Variants in FHOD3 observed in about 807,000 individuals in gnomAD.
FHOD3 encodes the protein FH1/FH2 domain-containing protein 3.
In FHOD3, 90 loss-of-function variants were observed where a neutral mutation model predicts 173.0. The observed-to-expected ratio is 0.52, with a 90% CI of 0.44 to 0.62. The LOEUF (loss-of-function observed/expected upper bound fraction) is 0.62. Among genes scored for constraint, FHOD3 ranks in the 20% least tolerant of loss-of-function variants. The pLI, the probability that FHOD3 is intolerant of heterozygous loss-of-function variation, is 0.00. For missense variants in FHOD3, 1,945 were observed against 2,034.7 expected (o/e 0.96, Z 0.85); for synonymous variants, 828 against 823.0 (o/e 1.01, Z -0.10).
chr18:36,587,543 G>A (rs11664159), intron 6 of FHOD3, among the ~76,000 whole-genome samples: 1 of 152,186 alleles, frequency 6.6e-6, no homozygotes, highest in African/African-American at 2.4e-5. Flanking sequence ...TGTAATCCTA[G>A]CACTTTGGGA....
intron 3 of FHOD3, among the ~76,000 whole-genome samples, chr18:36,477,902 C>G (rs1417243999): frequency 6.6e-6 from 1 of 152,156 alleles, no homozygotes; most frequent in Non-Finnish European, 1.5e-5. Context: ...AGACGAAGAA[C>G]CACGGCATGC....
At chr18:36,555,460 G>C (rs1394581431) in intron 5 of FHOD3, among the ~76,000 whole-genome samples, 4 of 151,626 alleles carry the variant, frequency 2.6e-5, no homozygotes, top group Non-Finnish European at 5.9e-5. Context: ...TTGTGGGTCA[G>C]AATCTGGTCT....
At position 36,587,458 on chromosome 18, in the gene FHOD3, T is replaced by C. The variant is rs559955355; in HGVS notation, c.607-7329T>C. On this transcript the variant is annotated intron_variant, in intron 6 of 28. Coordinates refer to ENST00000590592, the MANE Select transcript of FHOD3 (RefSeq NM_001281740.3). ...TTGGTCATGTAGGCGATTTCCGGGG[T>C]AACACAACCTTCATCTAAGCCCCAG... Among the ~76,000 whole-genome samples, 212 of 152,236 alleles carry C rather than the reference T, an allele frequency of 1.4e-3. 1 individual carries two copies. The highest frequency in any genetic ancestry group is 4.7e-3 in the African/African-American group (195 of 41,544).
chr18:36,605,866 T>C (rs973086020), intron 8 of FHOD3, among the ~76,000 whole-genome samples: 1 of 152,176 alleles, frequency 6.6e-6, no homozygotes, highest in South Asian at 2.1e-4. Context: ...AGTATTGATA[T>C]CAACAAAATA....
intron 5 of FHOD3, among the ~76,000 whole-genome samples, chr18:36,553,323 G>C (rs949370048): frequency 2.6e-5 from 4 of 152,160 alleles, no homozygotes; most frequent in African/African-American, 9.7e-5. Flanking sequence ...TCAGGATGAT[G>C]CTGGCCTCAT....
chr18:36,686,745 AG>A (rs1203623636), intron 15 of FHOD3, among the ~76,000 whole-genome samples: 1 of 152,186 alleles, frequency 6.6e-6, no homozygotes, highest in African/African-American at 2.4e-5. Flanking sequence ...GCTGTTATGA[AG>A]CTACCAGAGC....
rs114270130 is a variant in FHOD3 at position 36,657,299 on chromosome 18, T to C, written c.1722-776T>C. On this transcript the variant is annotated intron_variant, in intron 13 of 28. Coordinates refer to ENST00000590592, the MANE Select transcript of FHOD3 (RefSeq NM_001281740.3). ...AAGTAATCCTGAGTGTCTGAGCCCA[T>C]GCAAGGGCATCAAATAATGATTTGT... 4.7e-3 allele frequency among the ~76,000 whole-genome samples: 712 copies of C among 152,364 alleles called. 8 individuals carry two copies. The highest frequency in any genetic ancestry group is 0.016 in the African/African-American group (669 of 41,584).
chr18:36,709,453 T>C, intron 18 of FHOD3, 62 bp downstream of exon 18: 6 of 1,535,020 alleles, frequency 3.9e-6, no homozygotes, highest in Non-Finnish European at 4.4e-6. Flanking sequence ...CAGGGGCTGG[T>C]TCTCTAAGAG....
At chr18:36,609,853 C>T (rs149398111) in intron 8 of FHOD3, among the ~76,000 whole-genome samples, 1 of 152,258 alleles carries the variant, frequency 6.6e-6, no homozygotes, top group Non-Finnish European at 1.5e-5. Context: ...TCAAGTGATC[C>T]ACCTGCCTCA....
At chr18:36,685,903 A>G (rs1232760896) in intron 15 of FHOD3, among the ~76,000 whole-genome samples, 1 of 152,232 alleles carries the variant, frequency 6.6e-6, no homozygotes, top group Non-Finnish European at 1.5e-5. Context: ...ACAGAAAAAC[A>G]AAACATAAAA....
Position 36,718,457 on chromosome 18 carries a change from A to C in FHOD3, c.3159A>C (p.Leu1053Phe). The change falls in exon 19 of 29, where the codon TTA (leucine) becomes TTC (phenylalanine). Residue 1053 changes from leucine to phenylalanine, a missense_variant. This residue lies in a region of FHOD3 where 1,099 missense variants were observed against 1,051.2 expected (regional missense o/e 1.05). Transcript: ENST00000590592. ...SIPPPPVPGN[L>F]LVPPPPVFNA... is the part of the protein sequence containing the mutation. ...CTCCCCCTCCTGTCCCTGGTAATTT[A>C]TTGGTTCCTCCTCCTCCAGTGTTCA... 2 of 1,586,862 alleles carry C rather than the reference A, an allele frequency of 1.3e-6. No homozygotes were observed. Among genetic ancestry groups the C allele is most frequent in the Non-Finnish European group, 1.7e-6 (2 of 1,172,522 alleles).
intron 7 of FHOD3, among the ~76,000 whole-genome samples, chr18:36,602,119 T>C (rs2031472695): frequency 6.6e-6 from 1 of 152,194 alleles, no homozygotes; most frequent in Non-Finnish European, 1.5e-5. Context: ...ATTATAAACC[T>C]ATTGAGGGCA....
intron 3 of FHOD3, among the ~76,000 whole-genome samples, chr18:36,386,545 T>C (rs527538871): frequency 2.6e-4 from 40 of 152,298 alleles, no homozygotes; most frequent in African/African-American, 9.1e-4. Context: ...CCAGTGTGAG[T>C]CACCTGTGTG....
At chr18:36,682,026 G>A (rs2038281223) in intron 15 of FHOD3, among the ~76,000 whole-genome samples, 1 of 152,118 alleles carries the variant, frequency 6.6e-6, no homozygotes, top group Admixed American at 6.5e-5. Flanking sequence ...CTCTTGCTAT[G>A]TGGGGGGAAA....
intron 7 of FHOD3, among the ~76,000 whole-genome samples, chr18:36,599,342 A>G (rs549663771): frequency 4.7e-4 from 71 of 152,364 alleles, no homozygotes; most frequent in African/African-American, 1.6e-3. Context: ...TCTTAAACAT[A>G]AGAATTCCTG....
intron 10 of FHOD3, among the ~76,000 whole-genome samples, chr18:36,642,939 T>A (rs2035436489): frequency 6.6e-6 from 1 of 152,120 alleles, no homozygotes; most frequent in Admixed American, 6.5e-5. Flanking sequence ...ACGTATTTTT[T>A]AAAGTATTAC....
At chr18:36,380,849 C>G (rs535633434) in intron 3 of FHOD3, among the ~76,000 whole-genome samples, 2 of 152,106 alleles carry the variant, frequency 1.3e-5, no homozygotes, top group South Asian at 4.1e-4. Context: ...CTGACTGACA[C>G]ATTTGCAGCT....
At chr18:36,724,127 T>C (rs911534986) in intron 19 of FHOD3, among the ~76,000 whole-genome samples, 1 of 152,262 alleles carries the variant, frequency 6.6e-6, no homozygotes, top group East Asian at 1.9e-4. Flanking sequence ...TAATTTGTTC[T>C]ATCCGAAAGC....
At chr18:36,476,843 CTT>C (rs1489831393) in intron 3 of FHOD3, among the ~76,000 whole-genome samples, 1 of 152,170 alleles carries the variant, frequency 6.6e-6, no homozygotes, top group Non-Finnish European at 1.5e-5. Flanking sequence ...CCAAGGGACT[CTT>C]TGAGCACTTT....
Sources: gnomAD v4.1 joint callset for allele counts (sites outside exome capture counted in the v4.1 genomes callset) on GRCh38, gnomAD v4.1.1 for gene constraint, gnomAD v4.1.1 regional missense constraint, MANE v1.5 for transcripts, NCBI Gene and HGNC (gene_info 2026-07-23, HGNC 2026-07-21) for gene names.